The following WDHD1 variants were observed in gnomAD, a reference collection of about 807,000 sequenced individuals.
WDHD1 encodes the protein WD repeat and HMG-box DNA-binding protein 1.
Under a neutral mutation model 135.4 loss-of-function variants are expected in WDHD1, and 111 were observed. The ratio of observed to expected loss-of-function variants is 0.82; its 90% CI spans 0.70 to 0.96. WDHD1 has a LOEUF of 0.96. Among genes scored for constraint, WDHD1 ranks in the 40% least tolerant of loss-of-function variants. The pLI is 0.00. For synonymous variants in WDHD1, 434 were observed against 439.0 expected (o/e 0.99, Z 0.14); for missense variants, 1,351 against 1,336.3 (o/e 1.01, Z -0.17).
At chr14:54,960,757 C>T (rs529021079) in intron 21 of WDHD1, among the ~76,000 whole-genome samples, 3 of 151,806 alleles carry the variant, frequency 2.0e-5, no homozygotes, top group Non-Finnish European at 4.4e-5. Context: ...CCACCTGCCT[C>T]GGCCTCCCAA....
At chr14:54,950,725 A>G (rs1352348034) in intron 24 of WDHD1, among the ~76,000 whole-genome samples, 1 of 152,190 alleles carries the variant, frequency 6.6e-6, no homozygotes, top group East Asian at 1.9e-4. Flanking sequence ...CACTTATTCC[A>G]ACACTGACCA....
intron 4 of WDHD1, among the ~76,000 whole-genome samples, chr14:55,009,697 G>A (rs754669751): frequency 6.6e-6 from 1 of 152,010 alleles, no homozygotes; most frequent in Non-Finnish European, 1.5e-5. Context: ...CTCCCAAAGG[G>A]CTGGGATTAC....
intron 15 of WDHD1, among the ~76,000 whole-genome samples, chr14:54,984,473 C>A (rs1351969965): frequency 1.3e-5 from 2 of 152,226 alleles, no homozygotes; most frequent in Non-Finnish European, 2.9e-5. Flanking sequence ...CCAGCCTGGA[C>A]AACAGAGCCA....
At chr14:54,981,254 GAC>G (rs2041614811) in intron 16 of WDHD1, among the ~76,000 whole-genome samples, 1 of 151,970 alleles carries the variant, frequency 6.6e-6, no homozygotes, top group Non-Finnish European at 1.5e-5. Flanking sequence ...TAAAATAAAA[GAC>G]AGTAATAAAA....
rs9323275 is a variant in WDHD1, at chr14:55,007,182, T to C, written c.600+98A>G. The C allele has an allele frequency of 0.35, 331,791 of 942,796 alleles. 62,622 individuals carry two copies. Among genetic ancestry groups the C allele is most frequent in the African/African-American group, 0.67 (38,270 of 57,236 alleles). 58.4% of individuals were successfully genotyped at this position (942,796 alleles called of 1,614,324 possible). On this transcript the variant is annotated intron_variant, in intron 7 of 25. Transcript: ENST00000360586. Reference sequence around the variant, plus strand: ...GGCAGAGGTTGCAGTGAGCCGAGATTGCACCACTGCACTCCAGCATGGGAG... The same window carrying C: ...GGCAGAGGTTGCAGTGAGCCGAGATCGCACCACTGCACTCCAGCATGGGAG...
chr14:55,006,031 AT>A (rs1220361961), intron 7 of WDHD1, among the ~76,000 whole-genome samples: 1 of 151,684 alleles, frequency 6.6e-6, no homozygotes, highest in African/African-American at 2.4e-5. Context: ...CACCTGGCTA[AT>A]TTTCATTTTT....
intron 23 of WDHD1, 30 bp from the exon 24 acceptor site, chr14:54,955,724 A>C (rs762147435): frequency 4.1e-5 from 61 of 1,477,348 alleles, no homozygotes; most frequent in Admixed American, 7.6e-5. Context: ...TACTGCAATA[A>C]CATCTAGTAT....
chr14:54,983,787 G>T (rs1010404137), intron 15 of WDHD1, among the ~76,000 whole-genome samples: 5 of 151,814 alleles, frequency 3.3e-5, no homozygotes, highest in Admixed American at 1.3e-4. Context: ...CCAGAGTGCT[G>T]GGATTATAGG....
chr14:55,014,221 G>GTCGCTGGGACTACAGGCGCATGCCACC (rs1476644455), intron 2 of WDHD1, among the ~76,000 whole-genome samples: 3 of 152,178 alleles, frequency 2.0e-5, no homozygotes, highest in Non-Finnish European at 4.4e-5. Flanking sequence ...AGCTCCCCAG[G>GTCGCTGGGACTACAGGCGCATGCCACC]TCGCTGGGAC....
chr14:55,004,885 T>C (rs994741260), intron 7 of WDHD1: 2 of 519,550 alleles, frequency 3.8e-6, no homozygotes, highest in South Asian at 2.8e-5. Flanking sequence ...CAGTCTTCTG[T>C]GGCAGGCTGA....
rs757267757 is a variant in WDHD1, at chr14:55,027,052, G to A, written c.-41C>T. 1.8e-4 allele frequency: 84 copies of A among 472,386 alleles called. No individual in the cohort carries two copies. The highest frequency in any genetic ancestry group is 2.9e-4 in the Non-Finnish European group (74 of 258,550). The allele number at this position is 472,386 out of a possible 1,614,324, so 29.3% of individuals were successfully genotyped here. A position where few individuals can be genotyped will look rare whatever the true frequency, so the allele number is the denominator to read the frequency against. On this transcript the variant is annotated 5_prime_UTR_variant, in exon 1 of 26. Coordinates refer to ENST00000360586, the MANE Select transcript of WDHD1 (RefSeq NM_007086.4). ...CCCGGGTGACCGAGCCTCCGCCACT[G>A]AGGATCCACAAGAGCTGCTTCCCGC...
At chr14:55,003,304 G>A (rs2140216519) in intron 7 of WDHD1, among the ~76,000 whole-genome samples, 1 of 152,078 alleles carries the variant, frequency 6.6e-6, no homozygotes, top group East Asian at 1.9e-4. Flanking sequence ...GAGCTCAGGA[G>A]TTTGAGACTA....
intron 7 of WDHD1, among the ~76,000 whole-genome samples, chr14:55,003,736 G>A (rs534629032): frequency 1.9e-3 from 259 of 139,494 alleles, no homozygotes; most frequent in Middle Eastern, 7.0e-3. Flanking sequence ...GCTAATTTTT[G>A]TATTTTCAGT....
At chr14:54,965,168 G>A (rs1173520040) in intron 18 of WDHD1, among the ~76,000 whole-genome samples, 1 of 152,322 alleles carries the variant, frequency 6.6e-6, no homozygotes, top group Admixed American at 6.5e-5. Flanking sequence ...GGTCTACTAT[G>A]TGTTAAGCCA....
intron 7 of WDHD1, among the ~76,000 whole-genome samples, chr14:55,004,443 T>C (rs79920918): frequency 2.0e-5 from 3 of 152,204 alleles, no homozygotes; most frequent in Admixed American, 1.3e-4. Flanking sequence ...CCTTTTTTTT[T>C]AGCAACCAAT....
At chr14:54,975,118 C>T (rs1331259093) in intron 16 of WDHD1, among the ~76,000 whole-genome samples, 1 of 152,070 alleles carries the variant, frequency 6.6e-6, no homozygotes, top group Non-Finnish European at 1.5e-5. Flanking sequence ...GTCTAGTTTT[C>T]AAGCACATTA....
chr14:54,956,729 G>C (rs1453184871), intron 23 of WDHD1, among the ~76,000 whole-genome samples: 4 of 152,140 alleles, frequency 2.6e-5, no homozygotes, highest in African/African-American at 9.7e-5. Context: ...AATAGGGAGT[G>C]ATTCTGAAAC....
At chr14:54,950,838 G>A (rs546318470) in intron 24 of WDHD1, among the ~76,000 whole-genome samples, 1 of 152,210 alleles carries the variant, frequency 6.6e-6, no homozygotes, top group Admixed American at 6.5e-5. Context: ...TCAGCATTAG[G>A]AAACTCACCC....
At chr14:55,010,906 T>C (rs1215897828) in intron 3 of WDHD1, among the ~76,000 whole-genome samples, 1 of 152,238 alleles carries the variant, frequency 6.6e-6, no homozygotes, top group East Asian at 1.9e-4. Context: ...AAAGTCTAAA[T>C]GCAGCATCCA....
Sources: gnomAD v4.1 joint callset for allele counts (sites outside exome capture counted in the v4.1 genomes callset) on GRCh38, gnomAD v4.1.1 for gene constraint, MANE v1.5 for transcripts, NCBI Gene and HGNC (gene_info 2026-07-23, HGNC 2026-07-21) for gene names.